ROCK1: variants seen among roughly 807,000 people sequenced by gnomAD.
ROCK1 encodes the protein Rho associated coiled-coil containing protein kinase 1, also known as rho-associated protein kinase 1.
In ROCK1, 36 loss-of-function variants were observed where a neutral mutation model predicts 196.8. That is an observed-to-expected ratio of 0.18 (90% CI 0.14 to 0.24). The LOEUF (loss-of-function observed/expected upper bound fraction) is 0.24, where lower values mean the gene tolerates loss of function less well. Ranked by LOEUF, ROCK1 falls within the 10% of genes least tolerant of loss-of-function variation. The pLI, the probability that ROCK1 is intolerant of heterozygous loss-of-function variation, is 1.00. For missense variants in ROCK1, 920 were observed against 1,562.0 expected (o/e 0.59, Z 6.93); for synonymous variants, 443 against 515.9 (o/e 0.86, Z 1.91).
chr18:21,086,355 G>A (rs532582084), intron 1 of ROCK1, among the ~76,000 whole-genome samples: 6 of 152,112 alleles, frequency 3.9e-5, no homozygotes, highest in African/African-American at 4.8e-5. Context: ...CAAGTGATCC[G>A]CCCACCTAGG....
intron 4 of ROCK1, 137 bp downstream of exon 4, chr18:21,048,955 A>T: frequency 1.6e-6 from 1 of 611,900 alleles, no homozygotes; most frequent in Non-Finnish European, 2.5e-6. Context: ...ATTAAATTTT[A>T]AGATTTAAAA....
chr18:21,016,256 T>A (rs1224879055), intron 12 of ROCK1, among the ~76,000 whole-genome samples: 1 of 152,176 alleles, frequency 6.6e-6, no homozygotes, highest in Non-Finnish European at 1.5e-5. Flanking sequence ...GTGCTAAAAT[T>A]AAGTTATAAG....
chr18:20,982,417 A>G (rs1357572783), intron 21 of ROCK1, among the ~76,000 whole-genome samples: 1 of 152,086 alleles, frequency 6.6e-6, no homozygotes, highest in Non-Finnish European at 1.5e-5. Context: ...ACAATCGGCT[A>G]ATTTTTGTAT....
chr18:21,000,841 A>G (rs1568380093), intron 16 of ROCK1, among the ~76,000 whole-genome samples: 1 of 152,200 alleles, frequency 6.6e-6, no homozygotes, highest in East Asian at 1.9e-4. Context: ...ATTGCAGAAA[A>G]CAGTTTGGAA....
chr18:21,037,509 G>C (rs2143495532), intron 9 of ROCK1, among the ~76,000 whole-genome samples: 1 of 152,216 alleles, frequency 6.6e-6, no homozygotes, highest in South Asian at 2.1e-4. Flanking sequence ...GGTATTTTAG[G>C]GGTGGGAAGT....
At chr18:20,964,103 G>A (rs1212327090) in intron 27 of ROCK1, among the ~76,000 whole-genome samples, 4 of 151,918 alleles carry the variant, frequency 2.6e-5, no homozygotes, top group African/African-American at 7.3e-5. Context: ...AATAAAAGTT[G>A]CAGTGTCAGT....
Position 21,000,430 on chromosome 18 carries a change from T to C in ROCK1, c.1885+5921A>G, listed in dbSNP as rs148884173. 7.2e-4 allele frequency among the ~76,000 whole-genome samples: 109 copies of C among 152,206 alleles called. No homozygotes were observed. In the Middle Eastern group the frequency reaches 0.01, roughly 14 times the overall value. On this transcript the variant is annotated intron_variant, in intron 16 of 32. Coordinates refer to ENST00000399799, the MANE Select transcript of ROCK1 (RefSeq NM_005406.3). ...GGCACGTGCCATCATGCCTGGCTAA[T>C]TTGTGTATTTTTAGTAGAGACATGG... is the stretch of plus-strand genomic sequence containing the variant.
chr18:21,016,687 G>A (rs2035865574), intron 12 of ROCK1, among the ~76,000 whole-genome samples: 2 of 152,138 alleles, frequency 1.3e-5, no homozygotes, highest in Admixed American at 1.3e-4. Flanking sequence ...GAGTCCCTAA[G>A]TAAATGACAA....
At chr18:20,952,768 A>G (rs1568365158) in intron 32 of ROCK1, among the ~76,000 whole-genome samples, 1 of 151,186 alleles carries the variant, frequency 6.6e-6, no homozygotes, top group African/African-American at 2.4e-5. Flanking sequence ...ACAGAGTGAG[A>G]CTCTGTCTCA....
At chr18:21,070,977 A>G (rs2036379358) in intron 1 of ROCK1, among the ~76,000 whole-genome samples, 2 of 152,288 alleles carry the variant, frequency 1.3e-5, no homozygotes, top group South Asian at 4.1e-4. Context: ...TTGTTACTAT[A>G]AATATTTTAT....
At chr18:20,975,077 TTCC>T (rs1568372298) in intron 22 of ROCK1, among the ~76,000 whole-genome samples, 1 of 152,130 alleles carries the variant, frequency 6.6e-6, no homozygotes, top group East Asian at 1.9e-4. Flanking sequence ...TATCTGAAAA[TTCC>T]TCCTACCATA....
At chr18:21,033,191 T>C (rs2036024935) in intron 9 of ROCK1, among the ~76,000 whole-genome samples, 1 of 151,974 alleles carries the variant, frequency 6.6e-6, no homozygotes, top group Non-Finnish European at 1.5e-5. Context: ...AGCAAGACCT[T>C]ATCTCTATTA....
intron 1 of ROCK1, among the ~76,000 whole-genome samples, chr18:21,092,892 T>G (rs2036582627): frequency 6.6e-6 from 1 of 152,134 alleles, no homozygotes; most frequent in Non-Finnish European, 1.5e-5. Context: ...GTATCTCAGT[T>G]GGTGGTCTTA....
intron 2 of ROCK1, among the ~76,000 whole-genome samples, chr18:21,062,983 T>G (rs765906429): frequency 7.2e-5 from 11 of 152,106 alleles, no homozygotes; most frequent in Non-Finnish European, 1.3e-4. Context: ...AAAAGGAGAA[T>G]GGATACTGTC....
At chr18:21,078,373 C>CACACAGAGAGAG (rs1491188980) in intron 1 of ROCK1, among the ~76,000 whole-genome samples, 2 of 66,228 alleles carry the variant, frequency 3.0e-5, no homozygotes, top group African/African-American at 7.1e-5. Flanking sequence ...CACACACACA[C>CACACAGAGAGAG]AGAGAGAGAG....
At chr18:21,008,507 A>T (rs911945727) in intron 13 of ROCK1, among the ~76,000 whole-genome samples, 1 of 152,198 alleles carries the variant, frequency 6.6e-6, no homozygotes, top group Non-Finnish European at 1.5e-5. Context: ...TCTTGACCTC[A>T]GGTGATCCGC....
At chr18:21,097,406 T>C (rs189068167) in intron 1 of ROCK1, among the ~76,000 whole-genome samples, 2 of 152,346 alleles carry the variant, frequency 1.3e-5, no homozygotes, top group East Asian at 3.9e-4. Flanking sequence ...TCATCCAACC[T>C]ATACTATAAA....
intron 1 of ROCK1, among the ~76,000 whole-genome samples, chr18:21,071,659 T>C (rs536667571): frequency 6.6e-6 from 1 of 152,330 alleles, no homozygotes; most frequent in African/African-American, 2.4e-5. Flanking sequence ...CACTCTTTAG[T>C]AAATGTTGTT....
intron 2 of ROCK1, among the ~76,000 whole-genome samples, chr18:21,060,330 T>C (rs1024663257): frequency 1.3e-5 from 2 of 152,182 alleles, no homozygotes; most frequent in African/African-American, 2.4e-5. Flanking sequence ...TTTTGCTCTA[T>C]GAAAGACATT....
Sources: gnomAD v4.1 joint callset for allele counts (sites outside exome capture counted in the v4.1 genomes callset) on GRCh38, gnomAD v4.1.1 for gene constraint, MANE v1.5 for transcripts, NCBI Gene and HGNC (gene_info 2026-07-23, HGNC 2026-07-21) for gene names.